OSBP2: variants seen among roughly 807,000 people sequenced by gnomAD.
The protein encoded by OSBP2 is oxysterol binding protein 2.
In OSBP2, 66 loss-of-function variants were observed where a neutral mutation model predicts 96.0. The observed-to-expected ratio is 0.69, with a 90% confidence interval of 0.56 to 0.84. OSBP2 has a LOEUF of 0.84. Among genes scored for constraint, OSBP2 ranks in the 40% least tolerant of loss-of-function variants. The pLI is 0.00. For synonymous variants in OSBP2, 525 were observed against 520.9 expected, an observed-to-expected ratio of 1.01 and a Z score of -0.11; for missense variants, 1,038 against 1,222.7, an observed-to-expected ratio of 0.85 and a Z score of 2.25.
intron 2 of OSBP2, among the ~76,000 whole-genome samples, chr22:30,745,310 G>A (rs2089985364): frequency 6.6e-6 from 1 of 152,016 alleles, no homozygotes; most frequent in African/African-American, 2.4e-5. Flanking sequence ...TATACCCGAA[G>A]GAAGTAGGTA....
intron 2 of OSBP2, among the ~76,000 whole-genome samples, chr22:30,801,428 A>G (rs1377941061): frequency 6.6e-6 from 1 of 152,162 alleles, no homozygotes; most frequent in Non-Finnish European, 1.5e-5. Flanking sequence ...TTCCTAAATG[A>G]TAAATGCCCA....
At chr22:30,902,545 AC>A in intron 12 of OSBP2, 1 of 1,286,468 alleles carries the variant, frequency 7.8e-7, no homozygotes, top group Non-Finnish European at 1.1e-6. Flanking sequence ...GGAGGTAGTC[AC>A]CCAGGTGACT....
rs545132499 is a variant in OSBP2, at chr22:30,718,001, C to T, written c.644+22448C>T. On this transcript the variant is annotated intron_variant, in intron 1 of 13. Transcript: ENST00000332585. ...AGTGGTTTTCTCTTGCTTGAGGGTC[C>T]GCAGATGACCAGGCCAGGTCTCCTT... is the stretch of plus-strand genomic sequence containing the variant. Among the ~76,000 whole-genome samples, 264 of 152,288 alleles carry T rather than the reference C, an allele frequency of 1.7e-3. 1 individual carries two copies. Among genetic ancestry groups the T allele is most frequent in the African/African-American group, 5.7e-3 (238 of 41,556 alleles).
chr22:30,801,180 A>G (rs1390982444), intron 2 of OSBP2, among the ~76,000 whole-genome samples: 2 of 152,168 alleles, frequency 1.3e-5, no homozygotes, highest in African/African-American at 4.8e-5. Context: ...AATACCTGCA[A>G]CCATTGCAAC....
intron 1 of OSBP2, among the ~76,000 whole-genome samples, chr22:30,699,004 C>T (rs183958921): frequency 4.4e-4 from 67 of 152,166 alleles, no homozygotes; most frequent in East Asian, 2.1e-3. Flanking sequence ...CACAGTGGCA[C>T]GATCTTGGCT....
At chr22:30,701,046 G>A (rs1395916623) in intron 1 of OSBP2, among the ~76,000 whole-genome samples, 2 of 151,234 alleles carry the variant, frequency 1.3e-5, no homozygotes, top group African/African-American at 4.9e-5. Flanking sequence ...AGTGAGCCGA[G>A]ATTGTGCTAT....
intron 2 of OSBP2, among the ~76,000 whole-genome samples, chr22:30,802,037 G>A (rs1035894760): frequency 6.6e-6 from 1 of 152,176 alleles, no homozygotes; most frequent in Admixed American, 6.5e-5. Context: ...TTCCGTGAAG[G>A]TAGGGTATCC....
At chr22:30,755,806 C>T (rs562099609) in intron 2 of OSBP2, among the ~76,000 whole-genome samples, 31 of 152,308 alleles carry the variant, frequency 2.0e-4, no homozygotes, top group Non-Finnish European at 3.8e-4. Flanking sequence ...TTCAGCGTTC[C>T]CCTCCCTGTG....
At chr22:30,805,199 C>T (rs1046633916) in intron 2 of OSBP2, among the ~76,000 whole-genome samples, 4 of 152,218 alleles carry the variant, frequency 2.6e-5, no homozygotes, top group Non-Finnish European at 5.9e-5. Flanking sequence ...GTATCACATG[C>T]AAGCCTGCAT....
chr22:30,794,354 C>T (rs548914271), intron 2 of OSBP2, among the ~76,000 whole-genome samples: 6 of 151,492 alleles, frequency 4.0e-5, no homozygotes, highest in East Asian at 3.9e-4. Context: ...CTCCGCCTCC[C>T]GGTGGGTTCC....
At chr22:30,883,107 G>A (rs1228654865) in intron 3 of OSBP2, among the ~76,000 whole-genome samples, 1 of 152,228 alleles carries the variant, frequency 6.6e-6, no homozygotes, top group African/African-American at 2.4e-5. Flanking sequence ...AGACTGGCAG[G>A]AAGTGATGGT....
chr22:30,722,361 G>A lies in OSBP2; in HGVS notation c.645-18800G>A, dbSNP rs561987045. 1.5e-3 allele frequency among the ~76,000 whole-genome samples: 232 copies of A among 152,298 alleles called. 2 individuals are homozygous for A. The Middle Eastern group carries it at 0.017, about 11-fold the overall frequency. ...TGTCCCCATCACCCAGTGTCAACAA[G>A]TCTCACCTTAGGGTCAATCAAGGGT... On this transcript the variant is annotated intron_variant, in intron 1 of 13. Coordinates refer to ENST00000332585, the MANE Select transcript of OSBP2 (RefSeq NM_030758.4).
intron 2 of OSBP2, among the ~76,000 whole-genome samples, chr22:30,787,786 T>C (rs2090614440): frequency 6.6e-6 from 1 of 152,060 alleles, no homozygotes; most frequent in South Asian, 2.1e-4. Flanking sequence ...AAGATGAGAT[T>C]TGGGTGGGGA....
chr22:30,888,131 TG>T (rs1310575164), intron 4 of OSBP2, 91 bp from the exon 5 acceptor site: 1 of 823,246 alleles, frequency 1.2e-6, no homozygotes. Flanking sequence ...TGAGGCCAGA[TG>T]GGGGTTGGGG....
intron 2 of OSBP2, among the ~76,000 whole-genome samples, chr22:30,864,984 A>G (rs1341422548): frequency 6.6e-6 from 1 of 152,172 alleles, no homozygotes; most frequent in Non-Finnish European, 1.5e-5. Context: ...GTCCATAACC[A>G]GCCTATGCAG....
chr22:30,856,980 C>T (rs1333156720), intron 2 of OSBP2, among the ~76,000 whole-genome samples: 2 of 152,172 alleles, frequency 1.3e-5, no homozygotes, highest in Non-Finnish European at 2.9e-5. Context: ...AGTCCCACCT[C>T]ATTTGTCTTT....
At chr22:30,883,769 AG>A (rs879626937) in intron 3 of OSBP2, among the ~76,000 whole-genome samples, 54,717 of 152,048 alleles carry the variant, frequency 0.36, 10,412 homozygotes, top group East Asian at 0.67. Flanking sequence ...TGAGGCACCC[AG>A]AGGGATACCG....
At chr22:30,762,428 G>A (rs2090217744) in intron 2 of OSBP2, among the ~76,000 whole-genome samples, 1 of 151,570 alleles carries the variant, frequency 6.6e-6, no homozygotes, top group Non-Finnish European at 1.5e-5. Context: ...GGCGCCTGTA[G>A]TCCCAGCTAC....
At chr22:30,900,625 C>A (rs1454854743) in intron 12 of OSBP2, among the ~76,000 whole-genome samples, 1 of 151,794 alleles carries the variant, frequency 6.6e-6, no homozygotes, top group African/African-American at 2.4e-5. Flanking sequence ...CAGAAACAGA[C>A]CCATGGATAT....
Sources: gnomAD v4.1 joint callset for allele counts (sites outside exome capture counted in the v4.1 genomes callset) on GRCh38, gnomAD v4.1.1 for gene constraint, MANE v1.5 for transcripts, NCBI Gene and HGNC (gene_info 2026-07-23, HGNC 2026-07-21) for gene names.